C7: variants seen among roughly 807,000 people sequenced by gnomAD.
C7 encodes the protein complement C7.
A neutral mutation model predicts 104.8 loss-of-function variants in C7; 83 were observed. The ratio of observed to expected loss-of-function variants is 0.79; its 90% CI spans 0.66 to 0.95. The LOEUF (loss-of-function observed/expected upper bound fraction) is 0.95. Ranked by LOEUF, C7 falls within the 40% of genes least tolerant of loss-of-function variation. The probability of loss-of-function intolerance (pLI) is 0.00; values close to 1 mark genes in which losing one functional copy is unlikely to be tolerated. For missense variants in C7, 1,070 were observed against 1,011.2 expected (o/e 1.06, Z -0.79); for synonymous variants, 415 against 360.6 (o/e 1.15, Z -1.71).
At chr5:40,934,731 G>T (rs1039496119) in intron 4 of C7, among the ~76,000 whole-genome samples, 22 of 152,232 alleles carry the variant, frequency 1.4e-4, no homozygotes, top group African/African-American at 5.1e-4. Context: ...GACCCAAAAA[G>T]TTCTTGACAG....
intron 4 of C7, among the ~76,000 whole-genome samples, chr5:40,935,132 C>T (rs753573865): frequency 6.6e-5 from 10 of 152,154 alleles, no homozygotes; most frequent in East Asian, 1.9e-4. Flanking sequence ...ACCTGTTGAA[C>T]GCTTATTTTA....
intron 1 of C7, among the ~76,000 whole-genome samples, chr5:40,917,222 T>C (rs1414104876): frequency 6.6e-6 from 1 of 152,126 alleles, no homozygotes; most frequent in Non-Finnish European, 1.5e-5. Flanking sequence ...TTATTCCTTC[T>C]ATGTAACTGA....
At chr5:40,979,593 C>A in intron 16 of C7, 132 bp from the exon 17 acceptor site, 11 of 610,450 alleles carry the variant, frequency 1.8e-5, no homozygotes, top group South Asian at 5.5e-5. Context: ...TTTGAGTTTC[C>A]ACCTTTTTTT....
chr5:40,961,681 T>G (rs1740425705), intron 12 of C7, among the ~76,000 whole-genome samples: 1 of 152,198 alleles, frequency 6.6e-6, no homozygotes, highest in African/African-American at 2.4e-5. Context: ...CTGTCGCATC[T>G]CGTCCAATAC....
intron 14 of C7, among the ~76,000 whole-genome samples, chr5:40,965,271 C>T (rs1435005311): frequency 2.0e-5 from 3 of 152,176 alleles, no homozygotes; most frequent in African/African-American, 4.8e-5. Context: ...TGCTGCACCA[C>T]CCTAAAACTA....
At chr5:40,924,923 G>A (rs977321975) in intron 1 of C7, among the ~76,000 whole-genome samples, 3 of 152,200 alleles carry the variant, frequency 2.0e-5, no homozygotes, top group Non-Finnish European at 4.4e-5. Context: ...CCTGTGATGG[G>A]AGGGGCTGCC....
intron 15 of C7, among the ~76,000 whole-genome samples, chr5:40,974,478 C>A (rs1406848704): frequency 6.7e-6 from 1 of 150,304 alleles, no homozygotes; most frequent in Non-Finnish European, 1.5e-5. Flanking sequence ...TGCAGCGGCA[C>A]AATCTCAGCT....
rs1740726823 is a variant in C7, at chr5:40,972,672, G to A, written c.2074+78G>A. Reference sequence around the variant, plus strand: ...TCCTTGTGGCGACCTTCATGGTACTGTATCACCATAGCTGTGAGTCATTCC... The same window carrying A: ...TCCTTGTGGCGACCTTCATGGTACTATATCACCATAGCTGTGAGTCATTCC... On this transcript the variant is annotated intron_variant, in intron 15 of 17. Coordinates refer to ENST00000313164, the MANE Select transcript of C7 (RefSeq NM_000587.4). The A allele has an allele frequency of 2.6e-6, 3 of 1,136,590 alleles. No individual in the cohort carries two copies. The East Asian group carries it at 7.1e-5, about 27-fold the overall frequency. 70.4% of individuals were successfully genotyped at this position (1,136,590 alleles called of 1,614,324 possible).
rs324065 is a variant in C7 at position 40,916,770 on chromosome 5, T to G, written c.6+7154T>G. On this transcript the variant is annotated intron_variant, in intron 1 of 17. Transcript: ENST00000313164. The stretch of plus-strand genomic sequence containing the variant: ...ATTTCTTTTAACTGACAAATAAAAA[T>G]TGTGTCTATTTATTGTGCACAACAT... Among the ~76,000 whole-genome samples, 15 of 152,134 alleles carry G rather than the reference T, an allele frequency of 9.9e-5. 1 individual carries two copies. The highest frequency in any genetic ancestry group is 3.1e-4 in the African/African-American group (13 of 41,430).
intron 15 of C7, among the ~76,000 whole-genome samples, chr5:40,974,421 A>AT (rs10560294): frequency 4.1e-4 from 59 of 143,050 alleles, no homozygotes; most frequent in Admixed American, 7.7e-4. Context: ...ATTATAATAC[A>AT]TTTTTTTTTT....
chr5:40,947,565 C>T (rs773941906), intron 7 of C7, 37 bp from the exon 8 acceptor site: 1 of 1,606,862 alleles, frequency 6.2e-7, no homozygotes, highest in African/African-American at 1.3e-5. Flanking sequence ...TTTTATCTTC[C>T]ACCTAAAACT....
chr5:40,922,538 A>C (rs1338203047), intron 1 of C7, among the ~76,000 whole-genome samples: 1 of 151,680 alleles, frequency 6.6e-6, no homozygotes, highest in African/African-American at 2.4e-5. Flanking sequence ...CGTCTCTACT[A>C]AAAATACAGA....
chr5:40,976,547 A>C, intron 15 of C7: 1 of 386,496 alleles, frequency 2.6e-6, no homozygotes, highest in Non-Finnish European at 4.6e-6. Flanking sequence ...ATTACTACCA[A>C]TGCAGTTATT....
At chr5:40,922,696 C>CAAAAAAAA (rs780972661) in intron 1 of C7, among the ~76,000 whole-genome samples, 16 of 114,076 alleles carry the variant, frequency 1.4e-4, no homozygotes, top group East Asian at 7.7e-4. Flanking sequence ...GTGAGACTGT[C>CAAAAAAAA]AAAAAAAAAA....
chr5:40,931,633 CAAT>C (rs1220604455), intron 3 of C7, among the ~76,000 whole-genome samples: 11 of 152,244 alleles, frequency 7.2e-5, no homozygotes, highest in Admixed American at 5.2e-4. Flanking sequence ...AACACAAATA[CAAT>C]GTTGGACTTA....
intron 15 of C7, among the ~76,000 whole-genome samples, chr5:40,975,534 T>A: frequency 6.6e-6 from 1 of 152,036 alleles, no homozygotes; most frequent in East Asian, 1.9e-4. Context: ...CGGCTAATTT[T>A]TGTATTTTTA....
chr5:40,980,026 G>A, intron 17 of C7, 117 bp downstream of exon 17: 1 of 869,316 alleles, frequency 1.2e-6, no homozygotes, highest in Non-Finnish European at 1.7e-6. Flanking sequence ...GGATGTTAAA[G>A]ACTCAGACTG....
chr5:40,982,676 C>G lies in C7; in HGVS notation c.*1103C>G, dbSNP rs540807458. On this transcript the variant is annotated 3_prime_UTR_variant, in exon 18 of 18. Coordinates refer to ENST00000313164, the MANE Select transcript of C7 (RefSeq NM_000587.4). ...ACTGTGCATTTGAGAATAGTTTTCC[C>G]TATTCTGTGGATACAGTCCCAGAGT... 5 of 152,398 alleles carry G rather than the reference C, an allele frequency of 3.3e-5. No individual in the cohort carries two copies. The highest frequency in any genetic ancestry group is 6.5e-5 in the Admixed American group (1 of 15,292). 9.4% of individuals were successfully genotyped at this position (152,398 alleles called of 1,614,324 possible). A position where few individuals can be genotyped will look rare whatever the true frequency, so the allele number is the denominator to read the frequency against.
chr5:40,962,918 G>A (rs903751280), intron 13 of C7, among the ~76,000 whole-genome samples: 1 of 152,096 alleles, frequency 6.6e-6, no homozygotes. Context: ...AAAATTTACT[G>A]TTTCCCCAAA....
Sources: gnomAD v4.1 joint callset for allele counts (sites outside exome capture counted in the v4.1 genomes callset) on GRCh38, gnomAD v4.1.1 for gene constraint, MANE v1.5 for transcripts, NCBI Gene and HGNC (gene_info 2026-07-23, HGNC 2026-07-21) for gene names.